PLSCR1: variants seen among roughly 807,000 people sequenced by gnomAD.
PLSCR1 encodes the protein phospholipid scramblase 1.
In PLSCR1, 17 loss-of-function variants were observed where a neutral mutation model predicts 37.8. The observed-to-expected ratio is 0.45, with a 90% CI of 0.31 to 0.68. The LOEUF (loss-of-function observed/expected upper bound fraction) is 0.68. Ranked by LOEUF, PLSCR1 falls within the 30% of genes least tolerant of loss-of-function variation. The probability of loss-of-function intolerance (pLI) is 0.06; values close to 1 mark genes in which losing one functional copy is unlikely to be tolerated. For synonymous variants in PLSCR1, 116 were observed against 125.9 expected, an observed-to-expected ratio of 0.92 and a Z score of 0.53; for missense variants, 347 against 380.9, an observed-to-expected ratio of 0.91 and a Z score of 0.74.
chr3:146,533,614 T>C (rs2044229490), intron 2 of PLSCR1, 64 bp from the exon 3 acceptor site: 5 of 944,290 alleles, frequency 5.3e-6, no homozygotes, highest in Non-Finnish European at 8.5e-6. Context: ...AAAGAAACAA[T>C]GTATTGTACT....
chr3:146,532,864 T>C (rs960312984), intron 3 of PLSCR1, among the ~76,000 whole-genome samples: 6 of 152,238 alleles, frequency 3.9e-5, no homozygotes, highest in South Asian at 2.1e-4. Flanking sequence ...TACTCAATTA[T>C]GTATGTAGTC....
chr3:146,521,013 T>C (rs1442563904), intron 7 of PLSCR1, among the ~76,000 whole-genome samples: 9 of 152,154 alleles, frequency 5.9e-5, no homozygotes, highest in African/African-American at 2.2e-4. Context: ...CAGCTTCTAG[T>C]GACCTAATTT....
chr3:146,525,433 C>T (rs2044094225), intron 5 of PLSCR1, 172 bp downstream of exon 5: 1 of 542,630 alleles, frequency 1.8e-6, no homozygotes, highest in Non-Finnish European at 3.3e-6. Context: ...CAGCATTTTA[C>T]CTTTTGATTC....
chr3:146,528,508 A>C, intron 4 of PLSCR1, 106 bp downstream of exon 4: 1 of 874,446 alleles, frequency 1.1e-6, no homozygotes, highest in Non-Finnish European at 1.9e-6. Flanking sequence ...CAGAAAATAC[A>C]GTTTTGCTAT....
intron 4 of PLSCR1, among the ~76,000 whole-genome samples, chr3:146,526,950 G>A (rs2044125492): frequency 6.6e-6 from 1 of 152,110 alleles, no homozygotes; most frequent in African/African-American, 2.4e-5. Context: ...GACCAGCCTG[G>A]CCAGTATGGT....
chr3:146,536,549 C>T lies in PLSCR1; in HGVS notation c.4G>A (p.Asp2Asn). ...AAAATAAATTACTTACTTTGTTTGTCCATGATTAAAACAGTTCTGAAAAAG... is the reference window on the plus strand; with the variant it reads ...AAAATAAATTACTTACTTTGTTTGTTCATGATTAAAACAGTTCTGAAAAAG... M[D>N]KQNSQMNASH... The change falls in exon 2 of 9, where the codon GAC becomes AAC. Residue 2 changes from aspartate (D) to asparagine (N), a missense_variant. Transcript: ENST00000342435. 6.9e-7 allele frequency: 1 copy of T among 1,451,050 alleles called. No individual in the cohort carries two copies. Among genetic ancestry groups the T allele is most frequent in the Non-Finnish European group, 9.7e-7 (1 of 1,032,322 alleles). The allele number at this position is 1,451,050 out of a possible 1,614,324, so 89.9% of individuals were successfully genotyped here.
chr3:146,523,188 A>C (rs1397576672), intron 5 of PLSCR1, among the ~76,000 whole-genome samples: 2 of 152,170 alleles, frequency 1.3e-5, no homozygotes, highest in East Asian at 3.9e-4. Context: ...CGTTCCGCCT[A>C]ACAAGAAACA....
chr3:146,537,004 C>G (rs1369476428), intron 1 of PLSCR1, among the ~76,000 whole-genome samples: 1 of 151,932 alleles, frequency 6.6e-6, no homozygotes, highest in Non-Finnish European at 1.5e-5. Flanking sequence ...AGCAGGAAAG[C>G]AAAAAATGTT....
At chr3:146,523,183 C>T (rs116124122) in intron 5 of PLSCR1, among the ~76,000 whole-genome samples, 9,035 of 152,228 alleles carry the variant, frequency 0.059, 334 homozygotes, top group Middle Eastern at 0.085. Context: ...TCTCTCGTTC[C>T]GCCTAACAAG....
At chr3:146,539,910 T>C (rs1285965933) in intron 1 of PLSCR1, among the ~76,000 whole-genome samples, 1 of 152,204 alleles carries the variant, frequency 6.6e-6, no homozygotes. Context: ...GTCACTAAAG[T>C]CATCCACTAT....
At chr3:146,530,265 C>A (rs1176812893) in intron 3 of PLSCR1, among the ~76,000 whole-genome samples, 1 of 152,168 alleles carries the variant, frequency 6.6e-6, no homozygotes, top group Non-Finnish European at 1.5e-5. Context: ...TGATAAAATT[C>A]ATTTGCCCTT....
chr3:146,520,696 T>C (rs1049530178), intron 7 of PLSCR1, among the ~76,000 whole-genome samples: 10 of 152,092 alleles, frequency 6.6e-5, no homozygotes, highest in Admixed American at 3.9e-4. Flanking sequence ...TGAATGACAC[T>C]GGATATTGAA....
intron 5 of PLSCR1, among the ~76,000 whole-genome samples, chr3:146,524,366 T>TA (rs2044075216): frequency 6.6e-6 from 1 of 151,980 alleles, no homozygotes; most frequent in Admixed American, 6.6e-5. Flanking sequence ...AAAACCTGAG[T>TA]AATCTTCATC....
At chr3:146,516,978 T>C (rs374355252) in intron 8 of PLSCR1, 28 bp downstream of exon 8, 46 of 1,382,344 alleles carry the variant, frequency 3.3e-5, no homozygotes, top group Middle Eastern at 1.8e-4. Flanking sequence ...AAAGCATCTA[T>C]AATCAAGATT....
In PLSCR1 at chr3:146,517,175, G is replaced by T; in HGVS notation, c.739-8C>A. ...TTCATCAAGAGATTTAATCTAAATT[G>T]AAAAAAAAAAGTATTAAATACTTTT... On this transcript the variant is annotated splice_polypyrimidine_tract_variant and splice_region_variant and intron_variant, in intron 7 of 8. Coordinates refer to ENST00000342435, the MANE Select transcript of PLSCR1 (RefSeq NM_021105.3). The T allele has an allele frequency of 1.5e-6, 2 of 1,352,838 alleles. No individual in the cohort carries two copies. Among genetic ancestry groups the T allele is most frequent in the Non-Finnish European group, 2.0e-6 (2 of 1,014,930 alleles). 83.8% of individuals were successfully genotyped at this position (1,352,838 alleles called of 1,614,324 possible).
At chr3:146,531,537 C>T (rs2044198611) in intron 3 of PLSCR1, among the ~76,000 whole-genome samples, 1 of 152,070 alleles carries the variant, frequency 6.6e-6, no homozygotes, top group African/African-American at 2.4e-5. Flanking sequence ...TCCCCAGACT[C>T]TGAAAGTATG....
intron 3 of PLSCR1, among the ~76,000 whole-genome samples, chr3:146,529,111 A>G (rs2044160325): frequency 6.6e-6 from 1 of 152,214 alleles, no homozygotes; most frequent in Non-Finnish European, 1.5e-5. Context: ...GAAAATAAAT[A>G]ACCATGATCT....
At chr3:146,533,969 G>C (rs947639968) in intron 2 of PLSCR1, among the ~76,000 whole-genome samples, 2 of 151,988 alleles carry the variant, frequency 1.3e-5, no homozygotes, top group African/African-American at 4.8e-5. Flanking sequence ...ATTGCTGTAA[G>C]TATTATTTTA....
chr3:146,536,297 T>C (rs573581211), intron 2 of PLSCR1, among the ~76,000 whole-genome samples: 5 of 152,318 alleles, frequency 3.3e-5, no homozygotes, highest in Admixed American at 2.6e-4. Flanking sequence ...TCCCAATAAA[T>C]CTAGCATTTC....
Sources: gnomAD v4.1 joint callset for allele counts (sites outside exome capture counted in the v4.1 genomes callset) on GRCh38, gnomAD v4.1.1 for gene constraint, MANE v1.5 for transcripts, NCBI Gene and HGNC (gene_info 2026-07-23, HGNC 2026-07-21) for gene names.